C1orf174: variants seen among roughly 807,000 people sequenced by gnomAD.
C1orf174 encodes UPF0688 protein C1orf174.
A neutral mutation model predicts 18.4 loss-of-function variants in C1orf174; 13 were observed. The ratio of observed to expected loss-of-function variants is 0.71; its 90% confidence interval spans 0.46 to 1.12. The LOEUF is 1.12. Among genes scored for constraint, C1orf174 ranks in the 50% most tolerant of loss-of-function variants. The pLI, the probability that C1orf174 is intolerant of heterozygous loss-of-function variation, is 0.00. For missense variants in C1orf174, 309 were observed against 308.0 expected (o/e 1.00, Z -0.02); for synonymous variants, 100 against 118.3 (o/e 0.85, Z 1.01).
intron 3 of C1orf174, 57 bp downstream of exon 3, chr1:3,890,512 C>T: frequency 5.6e-6 from 9 of 1,595,932 alleles, no homozygotes; most frequent in Non-Finnish European, 7.7e-6. Flanking sequence ...GAGTGTGTGA[C>T]CTGAATGTGC....
At chr1:3,895,265 C>T (rs1401438611) in intron 1 of C1orf174, 1 of 152,242 alleles carries the variant, frequency 6.6e-6, no homozygotes, top group Non-Finnish European at 1.5e-5. Context: ...TGCCTGGCTT[C>T]CAAATCTCTA....
At chr1:3,896,543 C>A (rs1222650601) in intron 1 of C1orf174, among the ~76,000 whole-genome samples, 1 of 152,234 alleles carries the variant, frequency 6.6e-6, no homozygotes, top group Non-Finnish European at 1.5e-5. Context: ...CCCAAAGGCA[C>A]CAAATTCCCT....
chr1:3,890,841 C>T lies in C1orf174; in HGVS notation c.346G>A (p.Ala116Thr), dbSNP rs1436657074. 5 of 1,613,210 alleles carry T rather than the reference C, an allele frequency of 3.1e-6. No individual in the cohort carries two copies. Among genetic ancestry groups the T allele is most frequent in the Non-Finnish European group, 4.2e-6 (5 of 1,179,960 alleles). ...CAGCCACCGAGAGGAAGACTTGCAG[C>T]CCCCTGCTGCACAGAAACGCCAGCC... is the stretch of plus-strand genomic sequence containing the variant. ...SEAGVSVQQG[A>T]ASLPLGGCRV... is the part of the protein sequence containing the mutation. Residue 116 changes from alanine (A) to threonine (T), a missense_variant, in exon 3 of 4, where the codon GCT becomes ACT. Coordinates refer to ENST00000361605, the MANE Select transcript of C1orf174 (RefSeq NM_207356.3).
At chr1:3,893,164 T>C (rs1638546088) in intron 1 of C1orf174, among the ~76,000 whole-genome samples, 168 bp from the exon 2 acceptor site, 1 of 152,194 alleles carries the variant, frequency 6.6e-6, no homozygotes. Flanking sequence ...CAAATGAAAC[T>C]GTGCCTGGAT....
intron 1 of C1orf174, 75 bp downstream of exon 1, chr1:3,900,097 C>A: frequency 1.3e-6 from 2 of 1,519,274 alleles, no homozygotes; most frequent in Non-Finnish European, 1.8e-6. Context: ...TGACCCCGCC[C>A]CGGTTCTCCA....
At chr1:3,900,006 C>CG (rs1638679202) in intron 1 of C1orf174, among the ~76,000 whole-genome samples, 166 bp downstream of exon 1, 1 of 148,834 alleles carries the variant, frequency 6.7e-6, no homozygotes, top group Non-Finnish European at 1.5e-5. Flanking sequence ...CTCCTTCTCC[C>CG]GGGAGCGTGG....
chr1:3,895,056 A>G (rs1457010694), intron 1 of C1orf174, among the ~76,000 whole-genome samples: 1 of 152,224 alleles, frequency 6.6e-6, no homozygotes, highest in African/African-American at 2.4e-5. Flanking sequence ...CCTCGTAGGG[A>G]AAAGACATCT....
chr1:3,894,467 C>T (rs912159139), intron 1 of C1orf174, among the ~76,000 whole-genome samples: 7 of 151,740 alleles, frequency 4.6e-5, no homozygotes, highest in East Asian at 1.9e-4. Flanking sequence ...ATTAGCCGGG[C>T]GTGGTGGTGG....
intron 1 of C1orf174, among the ~76,000 whole-genome samples, chr1:3,896,798 T>C (rs1267142470): frequency 6.6e-6 from 1 of 152,192 alleles, no homozygotes; most frequent in Non-Finnish European, 1.5e-5. Context: ...GATTAGTTTG[T>C]AGAGCAACTT....
At position 3,889,884 on chromosome 1, in the gene C1orf174, T is replaced by C; in HGVS notation, c.*76A>G. 1 of 1,275,318 alleles carries C rather than the reference T, an allele frequency of 7.8e-7. No homozygotes were observed. The highest frequency in any genetic ancestry group is 1.5e-5 in the African/African-American group (1 of 67,950). 79.0% of individuals were successfully genotyped at this position (1,275,318 alleles called of 1,614,324 possible). Reference sequence around the variant, plus strand: ...GACATTCTCTTGGAGATACATTTTATATAAATCTTGTAATGTGCTAAATTG... The same window carrying C: ...GACATTCTCTTGGAGATACATTTTACATAAATCTTGTAATGTGCTAAATTG... On this transcript the variant is annotated 3_prime_UTR_variant, in exon 4 of 4. Transcript: ENST00000361605.
At position 3,899,362 on chromosome 1, in the gene C1orf174, T is replaced by C. The variant is rs532583610; in HGVS notation, c.15+810A>G. The stretch of plus-strand genomic sequence containing the variant: ...GGAATTCACAAGTGGCCACTCCATT[T>C]GAACAAACCAGGAGAGCCTCCATGC... On this transcript the variant is annotated intron_variant, in intron 1 of 3. Transcript: ENST00000361605. Among the ~76,000 whole-genome samples, 25 of 152,344 alleles carry C rather than the reference T, an allele frequency of 1.6e-4. 1 individual carries two copies. In the South Asian group the frequency reaches 2.3e-3, roughly 14 times the overall value.
rs1313612686 is a variant in C1orf174 at position 3,889,824 on chromosome 1, T to A, written c.*136A>T. 1.2e-6 allele frequency: 1 copy of A among 807,240 alleles called. No individual in the cohort carries two copies. The highest frequency in any genetic ancestry group is 2.1e-6 in the Non-Finnish European group (1 of 476,604). The allele number at this position is 807,240 out of a possible 1,614,324, so 50.0% of individuals were successfully genotyped here. ...CACAGGTATTGGGTGCTTTGCACTA[T>A]TGACTTAGATGGGTCAGTTCTGAAG... On this transcript the variant is annotated 3_prime_UTR_variant, in exon 4 of 4. Coordinates refer to ENST00000361605, the MANE Select transcript of C1orf174 (RefSeq NM_207356.3).
intron 1 of C1orf174, chr1:3,896,285 A>T (rs1254995171): frequency 6.5e-6 from 1 of 152,722 alleles, no homozygotes. Flanking sequence ...CCATTCTACC[A>T]GTACGGTTTA....
chr1:3,893,372 G>A (rs1638549210), intron 1 of C1orf174, among the ~76,000 whole-genome samples: 2 of 152,148 alleles, frequency 1.3e-5, no homozygotes, highest in South Asian at 4.1e-4. Context: ...TTTAAAAAAA[G>A]GTAACATGAG....
chr1:3,889,700 GAA>G lies in C1orf174; in HGVS notation c.*258_*259del, dbSNP rs59405380. ...ACAAGAGAGAAACTCTGTCTCCAAG[GAA>G]AAAAAAAAAAAAAAAAAAAGAAAGG... On this transcript the variant is annotated 3_prime_UTR_variant, in exon 4 of 4. Coordinates refer to ENST00000361605, the MANE Select transcript of C1orf174 (RefSeq NM_207356.3). 21,405 of 145,456 alleles carry G rather than the reference GAA, an allele frequency of 0.15. 847 individuals carry two copies. Among genetic ancestry groups the G allele is most frequent in the East Asian group, 0.24 (1,585 of 6,718 alleles). 9.0% of individuals were successfully genotyped at this position (145,456 alleles called of 1,614,324 possible).
At chr1:3,894,564 G>A (rs1199115458) in intron 1 of C1orf174, among the ~76,000 whole-genome samples, 52 of 139,836 alleles carry the variant, frequency 3.7e-4, no homozygotes, top group African/African-American at 1.0e-3. Flanking sequence ...CCGAGATTGC[G>A]CCACCGCACT....
rs755474617 is a variant in C1orf174 at position 3,890,630 on chromosome 1, T to A, written c.557A>T (p.Asp186Val). 19 of 1,613,970 alleles carry A rather than the reference T, an allele frequency of 1.2e-5. No individual in the cohort carries two copies. In the East Asian group the frequency reaches 3.8e-4, roughly 32 times the overall value. ...PLQMDNSVFL[D>V]DDSNQPMPVS... ...GGGCATTGGCTGATTGCTGTCGTCA[T>A]CTAGAAAGACGCTGTTGTCCATCTG... The change falls in exon 3 of 4, where the codon GAT (aspartate) becomes GTT (valine). Residue 186 changes from aspartate to valine, a missense_variant. Coordinates refer to ENST00000361605, the MANE Select transcript of C1orf174 (RefSeq NM_207356.3).
rs1638501112 is a variant in C1orf174 at position 3,891,018 on chromosome 1, T to C, written c.169A>G (p.Lys57Glu). ...TGTCCTTTGTCACATTTGAACTTCTTGGACGTTCGCGTGTCTGTGGCTTTG... is the reference window on the plus strand; with the variant it reads ...TGTCCTTTGTCACATTTGAACTTCTCGGACGTTCGCGTGTCTGTGGCTTTG... ...SHKATDTRTS[K>E]KFKCDKGHLV... is the part of the protein sequence containing the mutation. Residue 57 changes from lysine (K) to glutamate (E), a missense_variant, in exon 3 of 4, where the codon AAG becomes GAG. Transcript: ENST00000361605. The C allele has an allele frequency of 6.2e-7, 1 of 1,613,832 alleles. No individual in the cohort carries two copies. Among genetic ancestry groups the C allele is most frequent in the Non-Finnish European group, 8.5e-7 (1 of 1,179,818 alleles).
Position 3,890,028 on chromosome 1 carries a change from C to T in C1orf174, c.664G>A (p.Glu222Lys). 6.2e-7 allele frequency: 1 copy of T among 1,614,184 alleles called. No individual in the cohort carries two copies. The highest frequency in any genetic ancestry group is 2.2e-5 in the East Asian group (1 of 44,888). ...GCTCTGAAATGCATTTTTCTGAACT[C>T]TCGTCTGCTCATTGAAGGACAAGAT... ...SSSCPSMSRREFRKMHFRAKD... is the reference protein window; with the variant it reads ...SSSCPSMSRRKFRKMHFRAKD... The change falls in exon 4 of 4, where the codon GAG (glutamate) becomes AAG (lysine). Residue 222 changes from glutamate (E) to lysine (K), a missense_variant. Physicochemically the swap from Glu to Lys is moderately conservative, Grantham distance 56. Transcript: ENST00000361605.
Sources: allele counts gnomAD v4.1 joint callset (sites outside exome capture counted in the v4.1 genomes callset), GRCh38; gene constraint gnomAD v4.1.1; transcripts MANE v1.5; gene names NCBI Gene and HGNC (gene_info 2026-07-23, HGNC 2026-07-21).